The following FAM13A variants were observed in gnomAD, a reference collection of about 807,000 sequenced individuals.
FAM13A encodes the protein family with sequence similarity 13 member A, also known as protein FAM13A.
A neutral mutation model predicts 129.6 loss-of-function variants in FAM13A; 76 were observed. The ratio of observed to expected loss-of-function variants is 0.59; its 90% confidence interval spans 0.49 to 0.71. The LOEUF (loss-of-function observed/expected upper bound fraction) is 0.71, where lower values mean the gene tolerates loss of function less well. FAM13A is among the 30% of genes least tolerant of loss of function. The probability of loss-of-function intolerance (pLI) is 0.00; values close to 1 mark genes in which losing one functional copy is unlikely to be tolerated. For synonymous variants in FAM13A, 443 were observed against 449.9 expected (o/e 0.98, Z 0.20); for missense variants, 1,108 against 1,249.3 (o/e 0.89, Z 1.70).
At chr4:88,762,865 A>T (rs989336731) in intron 13 of FAM13A, among the ~76,000 whole-genome samples, 1 of 152,148 alleles carries the variant, frequency 6.6e-6, no homozygotes, top group Non-Finnish European at 1.5e-5. Flanking sequence ...TACATGTCTA[A>T]TATCTTCTGT....
At chr4:88,973,874 TCA>T (rs772243115) in intron 4 of FAM13A, among the ~76,000 whole-genome samples, 2 of 152,180 alleles carry the variant, frequency 1.3e-5, no homozygotes, top group Non-Finnish European at 2.9e-5. Flanking sequence ...CAAGTGATTC[TCA>T]GTTTTTCCTA....
intron 7 of FAM13A, among the ~76,000 whole-genome samples, chr4:88,833,432 T>C (rs1734257898): frequency 6.6e-6 from 1 of 152,136 alleles, no homozygotes; most frequent in Non-Finnish European, 1.5e-5. Context: ...ATTTTGTTCA[T>C]TAAACATTTT....
rs139499038 is a variant in FAM13A at position 88,855,059 on chromosome 4, G to A, written c.844-3876C>T. 6.1e-3 allele frequency among the ~76,000 whole-genome samples: 921 copies of A among 152,228 alleles called. 14 individuals carry two copies. The highest frequency in any genetic ancestry group is 0.021 in the African/African-American group (866 of 41,534). The stretch of plus-strand genomic sequence containing the variant: ...AGGCACAAAAAATTTCATTTGTTCC[G>A]AGGAGTAAGTGGCAGAGTTACCATC... On this transcript the variant is annotated intron_variant, in intron 6 of 23. Transcript: ENST00000264344.
intron 7 of FAM13A, among the ~76,000 whole-genome samples, chr4:88,840,752 T>A (rs1017588572): frequency 6.6e-6 from 1 of 152,062 alleles, no homozygotes; most frequent in Non-Finnish European, 1.5e-5. Context: ...CATGCTCATA[T>A]CTCTATTGAA....
chr4:89,011,692 G>A (rs971312373), intron 3 of FAM13A, among the ~76,000 whole-genome samples: 1 of 152,128 alleles, frequency 6.6e-6, no homozygotes, highest in African/African-American at 2.4e-5. Context: ...AGATAACTCT[G>A]TCTTACCGTG....
At chr4:88,755,041 G>A (rs1327496049) in intron 14 of FAM13A, among the ~76,000 whole-genome samples, 1 of 152,008 alleles carries the variant, frequency 6.6e-6, no homozygotes, top group Non-Finnish European at 1.5e-5. Flanking sequence ...TATCATTAAC[G>A]CCCCGTCAAA....
intron 4 of FAM13A, among the ~76,000 whole-genome samples, chr4:88,941,434 T>C (rs1038679025): frequency 6.6e-6 from 1 of 152,244 alleles, no homozygotes; most frequent in Admixed American, 6.5e-5. Context: ...TCTTAAGGCC[T>C]TTTTCTGTCT....
chr4:88,765,195 T>C (rs978982449), intron 13 of FAM13A, among the ~76,000 whole-genome samples: 1 of 152,158 alleles, frequency 6.6e-6, no homozygotes, highest in Non-Finnish European at 1.5e-5. Flanking sequence ...CTAACGGGAA[T>C]AGTAGTCCTC....
intron 12 of FAM13A, 138 bp from the exon 13 acceptor site, chr4:88,767,733 AAC>A (rs759873519): frequency 5.3e-5 from 39 of 737,138 alleles, no homozygotes; most frequent in Non-Finnish European, 7.0e-5. Context: ...TCAAAAACAA[AAC>A]ACAAAACAAA....
intron 3 of FAM13A, among the ~76,000 whole-genome samples, chr4:89,000,950 A>AATCATATGCACATATG (rs1201397611): frequency 5.3e-5 from 8 of 152,280 alleles, no homozygotes; most frequent in African/African-American, 1.9e-4. Context: ...ATATGCACGC[A>AATCATATGCACATATG]CACATGTGCA....
In FAM13A at chr4:88,781,920, A is replaced by G. The variant is rs538826666; in HGVS notation, c.1272-569T>C. On this transcript the variant is annotated intron_variant, in intron 10 of 23. Transcript: ENST00000264344. Reference sequence around the variant, plus strand: ...ACGAGTTAATGGGTGCAGCACACCAACATGGCACATGTATACATATGTAAC... The same window carrying G: ...ACGAGTTAATGGGTGCAGCACACCAGCATGGCACATGTATACATATGTAAC... Among the ~76,000 whole-genome samples the G allele has an allele frequency of 4.6e-3, 695 of 151,680 alleles. 8 individuals are homozygous for G. The highest frequency in any genetic ancestry group is 0.02 in the East Asian group (104 of 5,164).
chr4:88,866,731 A>G (rs1328862331), intron 6 of FAM13A, among the ~76,000 whole-genome samples: 1 of 152,188 alleles, frequency 6.6e-6, no homozygotes. Flanking sequence ...TATGCTTGAT[A>G]GTTTGTAGAG....
chr4:89,022,070 G>C (rs561839663), intron 2 of FAM13A, among the ~76,000 whole-genome samples: 32 of 152,270 alleles, frequency 2.1e-4, no homozygotes, highest in Non-Finnish European at 3.8e-4. Context: ...ACATTCTTGA[G>C]AGTCTAATGG....
At chr4:88,731,560 G>A (rs945307103) in intron 22 of FAM13A, 132 bp from the exon 23 acceptor site, 11 of 545,674 alleles carry the variant, frequency 2.0e-5, no homozygotes, top group Non-Finnish European at 2.9e-5. Context: ...AGAGCATTGA[G>A]GGGGCGCGGA....
intron 6 of FAM13A, among the ~76,000 whole-genome samples, chr4:88,881,080 C>G (rs977817528): frequency 6.6e-6 from 1 of 152,146 alleles, no homozygotes; most frequent in Non-Finnish European, 1.5e-5. Context: ...TTCTTGGGAG[C>G]TCTATGGCGC....
chr4:88,797,571 G>A (rs960589673), intron 8 of FAM13A, among the ~76,000 whole-genome samples: 1 of 152,088 alleles, frequency 6.6e-6, no homozygotes, highest in African/African-American at 2.4e-5. Flanking sequence ...AGCCTGTCAC[G>A]TAGTTTTTAT....
Position 88,906,421 on chromosome 4 carries a change from T to C in FAM13A, c.801A>G (p.Arg267=). ...YKNSLPILLT[R]GLERDMPKPP... ...GTTTTGGCATGTCTCTTTCTAAGCC[T>C]CTTGTTAAAAGGATGGGCAGGGAGT... Residue 267 remains arginine, a synonymous_variant, in exon 6 of 24, where the codon AGA becomes AGG. Transcript: ENST00000264344. 1 of 1,612,330 alleles carries C rather than the reference T, an allele frequency of 6.2e-7. No homozygotes were observed. The highest frequency in any genetic ancestry group is 8.5e-7 in the Non-Finnish European group (1 of 1,179,050).
chr4:88,742,820 T>G (rs1364247995), intron 19 of FAM13A, among the ~76,000 whole-genome samples: 1 of 152,226 alleles, frequency 6.6e-6, no homozygotes, highest in Non-Finnish European at 1.5e-5. Flanking sequence ...GGGCTCTGAA[T>G]GAGCTACACT....
intron 3 of FAM13A, among the ~76,000 whole-genome samples, chr4:88,998,320 T>C (rs540060592): frequency 2.4e-4 from 36 of 152,306 alleles, no homozygotes; most frequent in Admixed American, 1.4e-3. Context: ...AATAGAGAGA[T>C]TGATTAGCCT....
Sources: allele counts gnomAD v4.1 joint callset (sites outside exome capture counted in the v4.1 genomes callset), GRCh38; gene constraint gnomAD v4.1.1; transcripts MANE v1.5; gene names NCBI Gene and HGNC (gene_info 2026-07-23, HGNC 2026-07-21).